The following SPAG16 variants were observed in gnomAD, a reference collection of about 807,000 sequenced individuals.
SPAG16 encodes the protein sperm-associated antigen 16 protein.
Under a neutral mutation model 80.4 loss-of-function variants are expected in SPAG16, and 86 were observed. The observed-to-expected ratio is 1.07, with a 90% CI of 0.90 to 1.28. The LOEUF (loss-of-function observed/expected upper bound fraction) is 1.28. Ranked by LOEUF, SPAG16 falls within the 50% of genes most tolerant of loss-of-function variation. SPAG16 has a pLI of 0.00. For missense variants in SPAG16, 870 were observed against 765.3 expected, an observed-to-expected ratio of 1.14 and a Z score of -1.61; for synonymous variants, 294 against 265.9, an observed-to-expected ratio of 1.11 and a Z score of -1.03.
chr2:214,130,573 T>C (rs1472520947), intron 14 of SPAG16, among the ~76,000 whole-genome samples: 1 of 152,246 alleles, frequency 6.6e-6, no homozygotes, highest in African/African-American at 2.4e-5. Context: ...TTTTACTTCA[T>C]ATCTCTTTGG....
intron 14 of SPAG16, among the ~76,000 whole-genome samples, chr2:214,147,797 T>C (rs1369729342): frequency 6.6e-6 from 1 of 152,202 alleles, no homozygotes; most frequent in Non-Finnish European, 1.5e-5. Context: ...ACAACAGTTA[T>C]AGAATTTTAA....
chr2:214,397,188 G>T (rs1197457706), intron 15 of SPAG16, among the ~76,000 whole-genome samples: 1 of 133,496 alleles, frequency 7.5e-6, no homozygotes, highest in Non-Finnish European at 1.6e-5. Context: ...ATGGAGTCTC[G>T]CTCTGTCGCC....
intron 12 of SPAG16, among the ~76,000 whole-genome samples, chr2:213,949,818 T>A (rs1232597297): frequency 6.6e-6 from 1 of 152,208 alleles, no homozygotes; most frequent in African/African-American, 2.4e-5. Flanking sequence ...TGGTAAGGAA[T>A]TGTGAAGCAG....
At chr2:214,237,273 C>T (rs542734190) in intron 15 of SPAG16, among the ~76,000 whole-genome samples, 101 of 151,782 alleles carry the variant, frequency 6.7e-4, no homozygotes, top group African/African-American at 2.4e-3. Context: ...CACAAGAGAC[C>T]TGGACCACAT....
intron 14 of SPAG16, among the ~76,000 whole-genome samples, chr2:214,116,953 A>C (rs1399666857): frequency 6.6e-6 from 1 of 152,210 alleles, no homozygotes; most frequent in African/African-American, 2.4e-5. Context: ...AGACATTGTC[A>C]CATGTCCACT....
intron 10 of SPAG16, among the ~76,000 whole-genome samples, chr2:213,611,661 G>T (rs1007824996): frequency 6.6e-6 from 1 of 152,054 alleles, no homozygotes; most frequent in Non-Finnish European, 1.5e-5. Flanking sequence ...AATGTCCAGG[G>T]TAAATGGAGT....
chr2:214,297,223 A>G (rs1694197901), intron 15 of SPAG16, among the ~76,000 whole-genome samples: 1 of 152,096 alleles, frequency 6.6e-6, no homozygotes, highest in Non-Finnish European at 1.5e-5. Context: ...CTTTTGTCGG[A>G]GTCATAATTT....
chr2:213,697,084 G>A (rs182374283), intron 10 of SPAG16, among the ~76,000 whole-genome samples: 2 of 152,136 alleles, frequency 1.3e-5, no homozygotes, highest in East Asian at 3.9e-4. Flanking sequence ...ACGTGAGCAG[G>A]GACACTTCAT....
chr2:213,822,443 A>G (rs2073003154), intron 10 of SPAG16, among the ~76,000 whole-genome samples: 1 of 152,122 alleles, frequency 6.6e-6, no homozygotes, highest in African/African-American at 2.4e-5. Context: ...CCTTTATCAG[A>G]TACAGAGTTT....
chr2:213,368,214 G>C (rs1435325398), intron 8 of SPAG16, among the ~76,000 whole-genome samples: 2 of 152,184 alleles, frequency 1.3e-5, no homozygotes, highest in Non-Finnish European at 2.9e-5. Context: ...TTTGAAGTCA[G>C]GTAGTGTGAT....
intron 13 of SPAG16, among the ~76,000 whole-genome samples, chr2:214,087,657 G>A (rs1314602290): frequency 1.3e-5 from 2 of 152,118 alleles, no homozygotes; most frequent in Non-Finnish European, 2.9e-5. Flanking sequence ...CAGAGGAGAT[G>A]AGAACCTAAT....
chr2:214,201,210 C>G (rs192494084), intron 15 of SPAG16, among the ~76,000 whole-genome samples: 29 of 152,256 alleles, frequency 1.9e-4, no homozygotes, highest in African/African-American at 7.0e-4. Flanking sequence ...TGGTGCTTCA[C>G]CATCAAGGTA....
chr2:213,670,668 A>G (rs1263249236), intron 10 of SPAG16, among the ~76,000 whole-genome samples: 1 of 150,598 alleles, frequency 6.6e-6, no homozygotes, highest in Non-Finnish European at 1.5e-5. Flanking sequence ...AATTTTCCAG[A>G]GCTCTGTCTA....
chr2:214,142,484 C>G (rs2055413469), intron 14 of SPAG16, among the ~76,000 whole-genome samples: 1 of 152,128 alleles, frequency 6.6e-6, no homozygotes, highest in South Asian at 2.1e-4. Flanking sequence ...GTCTGATCAT[C>G]TCTTTTAACT....
chr2:213,865,307 G>A (rs2075641601), intron 11 of SPAG16, among the ~76,000 whole-genome samples: 1 of 151,844 alleles, frequency 6.6e-6, no homozygotes, highest in South Asian at 2.1e-4. Context: ...ATAAAAGGAA[G>A]TGATATGAAA....
chr2:213,637,916 C>A (rs928613720), intron 10 of SPAG16, among the ~76,000 whole-genome samples: 1 of 152,080 alleles, frequency 6.6e-6, no homozygotes, highest in South Asian at 2.1e-4. Context: ...GCCACCACGC[C>A]CAGCTAATTT....
chr2:213,930,442 A>G (rs2078700004), intron 12 of SPAG16, among the ~76,000 whole-genome samples: 1 of 152,226 alleles, frequency 6.6e-6, no homozygotes, highest in South Asian at 2.1e-4. Flanking sequence ...ATAGAAACAA[A>G]TACTTCTTTT....
chr2:214,041,995 T>C (rs2049048448), intron 13 of SPAG16, among the ~76,000 whole-genome samples: 1 of 129,074 alleles, frequency 7.7e-6, no homozygotes, highest in Non-Finnish European at 1.6e-5. Context: ...TATATATATA[T>C]ATATATATAT....
intron 10 of SPAG16, among the ~76,000 whole-genome samples, chr2:213,565,756 C>A (rs1400520721): frequency 6.6e-6 from 1 of 152,160 alleles, no homozygotes; most frequent in Admixed American, 6.5e-5. Flanking sequence ...ATAGCCCAGG[C>A]CTCAGAAGGA....
Sources: gnomAD v4.1 joint callset for allele counts (sites outside exome capture counted in the v4.1 genomes callset) on GRCh38, gnomAD v4.1.1 for gene constraint, MANE v1.5 for transcripts, NCBI Gene and HGNC (gene_info 2026-07-23, HGNC 2026-07-21) for gene names.